WWOX: variants seen among roughly 807,000 people sequenced by gnomAD.
The protein encoded by WWOX is WW domain containing oxidoreductase, also known as WW domain-containing oxidoreductase.
WWOX carries 69 observed loss-of-function variants against 46.2 expected under a neutral mutation model. The ratio of observed to expected loss-of-function variants is 1.49; its 90% CI spans 1.23 to 1.82. The LOEUF (loss-of-function observed/expected upper bound fraction) is 1.82. Ranked by LOEUF, WWOX falls within the 40% of genes most tolerant of loss-of-function variation. The pLI is 0.00. For synonymous variants in WWOX, 359 were observed against 202.6 expected (o/e 1.77, Z -6.56); for missense variants, 919 against 542.6 (o/e 1.69, Z -6.89).
chr16:78,955,921 T>G (rs1037618907), intron 8 of WWOX, among the ~76,000 whole-genome samples: 8 of 151,950 alleles, frequency 5.3e-5, no homozygotes, highest in Non-Finnish European at 1.0e-4. Flanking sequence ...GTGCTGAGAT[T>G]ACATGCATGA....
chr16:78,393,357 T>C (rs2082215926), intron 6 of WWOX, among the ~76,000 whole-genome samples: 1 of 152,170 alleles, frequency 6.6e-6, no homozygotes, highest in Admixed American at 6.5e-5. Flanking sequence ...TACTTTTTCT[T>C]CTTCAAAAAA....
intron 8 of WWOX, among the ~76,000 whole-genome samples, chr16:79,085,333 C>G (rs544860954): frequency 1.3e-5 from 2 of 152,174 alleles, no homozygotes; most frequent in East Asian, 1.9e-4. Flanking sequence ...GTAATAGTGG[C>G]CAAGAAAATG....
intron 8 of WWOX, among the ~76,000 whole-genome samples, chr16:79,107,847 C>T (rs532413456): frequency 7.2e-5 from 11 of 152,064 alleles, no homozygotes; most frequent in East Asian, 3.9e-4. Flanking sequence ...TCTAATAATT[C>T]GACATTAGTG....
chr16:78,356,812 G>A (rs1358376362), intron 5 of WWOX, among the ~76,000 whole-genome samples: 2 of 152,164 alleles, frequency 1.3e-5, no homozygotes, highest in East Asian at 1.9e-4. Context: ...AACCTGGGAG[G>A]TGGAGGTTGA....
intron 8 of WWOX, among the ~76,000 whole-genome samples, chr16:78,735,394 A>AACACACACACACACACACACACACACAC (rs35975130): frequency 9.9e-5 from 12 of 121,390 alleles, no homozygotes; most frequent in African/African-American, 3.7e-4. Context: ...ACCACACACA[A>AACACACACACACACACACACACACACAC]ACACACACAC....
At chr16:79,102,030 T>C (rs1441855762) in intron 8 of WWOX, among the ~76,000 whole-genome samples, 10 of 49,642 alleles carry the variant, frequency 2.0e-4, no homozygotes, top group African/African-American at 7.9e-4. Flanking sequence ...AGGTGGAGGG[T>C]GGTGGGGGTG....
intron 5 of WWOX, among the ~76,000 whole-genome samples, chr16:78,334,615 A>G (rs1055315079): frequency 6.6e-6 from 1 of 152,164 alleles, no homozygotes; most frequent in Admixed American, 6.6e-5. Context: ...AGAGTTGTGT[A>G]TTGTTGGGAA....
intron 8 of WWOX, among the ~76,000 whole-genome samples, chr16:79,161,014 C>G (rs987241557): frequency 6.6e-6 from 1 of 152,146 alleles, no homozygotes; most frequent in Non-Finnish European, 1.5e-5. Context: ...TGGGATTATA[C>G]TACAATTTCC....
chr16:79,146,394 G>C (rs1198416730), intron 8 of WWOX, among the ~76,000 whole-genome samples: 1 of 152,112 alleles, frequency 6.6e-6, no homozygotes, highest in Non-Finnish European at 1.5e-5. Flanking sequence ...TTTTCCTCCA[G>C]AACTGGCTTA....
At chr16:78,392,398 G>T (rs547952195) in intron 6 of WWOX, among the ~76,000 whole-genome samples, 2 of 152,096 alleles carry the variant, frequency 1.3e-5, no homozygotes, top group South Asian at 4.2e-4. Context: ...CAAGCTCAGG[G>T]CTCCCACCGA....
At chr16:79,083,289 A>G (rs561113200) in intron 8 of WWOX, among the ~76,000 whole-genome samples, 186 of 152,234 alleles carry the variant, frequency 1.2e-3, no homozygotes, top group African/African-American at 4.0e-3. Context: ...CCAGATGGAA[A>G]TATTAAGAGC....
chr16:78,373,940 C>G (rs2081756076), intron 5 of WWOX, among the ~76,000 whole-genome samples: 1 of 152,104 alleles, frequency 6.6e-6, no homozygotes, highest in Non-Finnish European at 1.5e-5. Context: ...ACGTGTGCCA[C>G]CAGGCCCGGC....
chr16:78,220,777 G>A (rs899654398), intron 5 of WWOX, among the ~76,000 whole-genome samples: 1 of 152,164 alleles, frequency 6.6e-6, no homozygotes, highest in Non-Finnish European at 1.5e-5. Flanking sequence ...AATGTGATGA[G>A]TAAGTACCAC....
chr16:79,211,456 G>C (rs2051743352), intron 8 of WWOX, 152 bp from the exon 9 acceptor site: 3 of 932,554 alleles, frequency 3.2e-6, no homozygotes, highest in Non-Finnish European at 5.0e-6. Context: ...TTACAGTCAT[G>C]TGCTTTCAGC....
intron 8 of WWOX, among the ~76,000 whole-genome samples, chr16:78,837,904 A>C (rs1163711340): frequency 6.6e-6 from 1 of 152,338 alleles, no homozygotes; most frequent in African/African-American, 2.4e-5. Flanking sequence ...ACAGATGAGA[A>C]AATGGAGTCC....
At chr16:79,031,075 A>C (rs1001660893) in intron 8 of WWOX, among the ~76,000 whole-genome samples, 9 of 143,956 alleles carry the variant, frequency 6.3e-5, no homozygotes, top group Non-Finnish European at 1.1e-4. Flanking sequence ...CCTGGACAAC[A>C]GAGTGAGACC....
chr16:78,857,896 C>G (rs1211149779), intron 8 of WWOX, among the ~76,000 whole-genome samples: 1 of 152,162 alleles, frequency 6.6e-6, no homozygotes, highest in Non-Finnish European at 1.5e-5. Flanking sequence ...CAATTCCATT[C>G]TGTACCAGAA....
intron 8 of WWOX, among the ~76,000 whole-genome samples, chr16:78,504,385 T>G (rs937265533): frequency 2.0e-5 from 3 of 152,244 alleles, no homozygotes; most frequent in Non-Finnish European, 4.4e-5. Flanking sequence ...ATTACATTGT[T>G]ATGAACCAAC....
At chr16:78,198,286 A>G (rs1269047773) in intron 5 of WWOX, among the ~76,000 whole-genome samples, 1 of 150,954 alleles carries the variant, frequency 6.6e-6, no homozygotes, top group Non-Finnish European at 1.5e-5. Context: ...GATTCCTACC[A>G]GAGGAATTAG....
Sources: gnomAD v4.1 joint callset for allele counts (sites outside exome capture counted in the v4.1 genomes callset) on GRCh38, gnomAD v4.1.1 for gene constraint, MANE v1.5 for transcripts, NCBI Gene and HGNC (gene_info 2026-07-23, HGNC 2026-07-21) for gene names.